Variants in PMCH observed in about 807,000 individuals in gnomAD.
PMCH encodes the protein pro-MCH.
Under a neutral mutation model 15.9 loss-of-function variants are expected in PMCH, and 8 were observed. The observed-to-expected ratio is 0.50, with a 90% CI of 0.29 to 0.91. The LOEUF (loss-of-function observed/expected upper bound fraction) is 0.91, where lower values mean the gene tolerates loss of function less well. Among genes scored for constraint, PMCH ranks in the 40% least tolerant of loss-of-function variants. The probability of loss-of-function intolerance (pLI) is 0.07; values close to 1 mark genes in which losing one functional copy is unlikely to be tolerated. For missense variants in PMCH, 169 were observed against 185.7 expected, an observed-to-expected ratio of 0.91 and a Z score of 0.52; for synonymous variants, 73 against 63.8, an observed-to-expected ratio of 1.14 and a Z score of -0.69.
Position 102,196,640 on chromosome 12 carries a change from G to T in PMCH, c.*12C>A. On this transcript the variant is annotated 3_prime_UTR_variant, in exon 3 of 3. Transcript: ENST00000329406. ...TATTTTCTTCTGAAAAGATGATGTGGACCAACAGGTATCAGACTTGCCAAC... is the reference window on the plus strand; with the variant it reads ...TATTTTCTTCTGAAAAGATGATGTGTACCAACAGGTATCAGACTTGCCAAC... 6.3e-7 allele frequency: 1 copy of T among 1,596,342 alleles called. No individual in the cohort carries two copies. The highest frequency in any genetic ancestry group is 8.6e-7 in the Non-Finnish European group (1 of 1,164,264).
At position 102,197,184 on chromosome 12, in the gene PMCH, G is replaced by A. The variant is rs1565912382; in HGVS notation, c.250-13C>T. On this transcript the variant is annotated splice_polypyrimidine_tract_variant and intron_variant, in intron 1 of 2. Transcript: ENST00000329406. ...TGGAGCCTGTGTTCTGTAAAGAGAA[G>A]GTTGATTTGGTTTTTAGCTATCGTA... is the stretch of plus-strand genomic sequence containing the variant. 1.9e-6 allele frequency: 3 copies of A among 1,598,762 alleles called. No homozygotes were observed. The African/African-American group carries it at 4.0e-5, about 21-fold the overall frequency.
At chr12:102,197,305 G>T in intron 1 of PMCH, 134 bp from the exon 2 acceptor site, 1 of 864,438 alleles carries the variant, frequency 1.2e-6, no homozygotes, top group Non-Finnish European at 1.7e-6. Context: ...TACCTTAGAT[G>T]CAAATTTATA....
rs1488437486 is a variant in PMCH at position 102,197,142 on chromosome 12, A to G, written c.279T>C (p.Asn93=). 1 of 1,612,024 alleles carries G rather than the reference A, an allele frequency of 6.2e-7. No homozygotes were observed. Among genetic ancestry groups the G allele is most frequent in the Admixed American group, 1.7e-5 (1 of 59,884 alleles). ...TAGCCAGATTCAGTGGCAGACCATGATTTAAGAAATTATGTTTGGAGCCTG... is the reference window on the plus strand; with the variant it reads ...TAGCCAGATTCAGTGGCAGACCATGGTTTAAGAAATTATGTTTGGAGCCTG... ...KNTGSKHNFL[N]HGLPLNLAIK... Residue 93 remains asparagine (N), a synonymous_variant, in exon 2 of 3, where the codon AAT becomes AAC. Coordinates refer to ENST00000329406, the MANE Select transcript of PMCH (RefSeq NM_002674.4).
chr12:102,196,946 G>T, intron 2 of PMCH, 27 bp downstream of exon 2: 1 of 1,554,514 alleles, frequency 6.4e-7, no homozygotes, highest in Non-Finnish European at 8.9e-7. Flanking sequence ...TAGGATGTAA[G>T]AATTGAATTT....
intron 1 of PMCH, 132 bp downstream of exon 1, chr12:102,197,390 G>T: frequency 1.1e-6 from 1 of 881,650 alleles, no homozygotes. Flanking sequence ...AATATCGTCA[G>T]TCGTCCTAAT....
At position 102,197,702 on chromosome 12, in the gene PMCH, T is replaced by A; in HGVS notation, c.69A>T (p.Leu23Phe). ...LTFSLFSQGI[L>F]LSASKSIRNL... ...TTCTTATGGACTTGGATGCTGAAAG[T>A]AAAATACCTTGAGAAAACAAAGAAA... Residue 23 changes from leucine to phenylalanine, a missense_variant, in exon 1 of 3, where the codon TTA (leucine) becomes TTT (phenylalanine). Coordinates refer to ENST00000329406, the MANE Select transcript of PMCH (RefSeq NM_002674.4). 3 of 1,607,422 alleles carry A rather than the reference T, an allele frequency of 1.9e-6. 1 individual carries two copies. The Admixed American group carries it at 5.0e-5, about 27-fold the overall frequency.
rs1385951133 is a variant in PMCH at position 102,197,111 on chromosome 12, G to A, written c.310C>T (p.Pro104Ser). The A allele has an allele frequency of 2.5e-6, 4 of 1,612,206 alleles. No individual in the cohort carries two copies. The highest frequency in any genetic ancestry group is 2.5e-6 in the Non-Finnish European group (3 of 1,178,666). The change falls in exon 2 of 3, where the codon CCT (proline) becomes TCT (serine). Residue 104 changes from proline (P) to serine (S), a missense_variant. By Grantham distance (74) the Pro-to-Ser change is moderately conservative (BLOSUM62 -1). Transcript: ENST00000329406. The stretch of plus-strand genomic sequence containing the variant: ...ACAGATCCTTTTAGTGCAAGATAAG[G>A]TTTTATAGCCAGATTCAGTGGCAGA... ...HGLPLNLAIK[P>S]YLALKGSVAF...
Position 102,196,610 on chromosome 12 carries a change from G to T in PMCH, c.*42C>A. On this transcript the variant is annotated 3_prime_UTR_variant, in exon 3 of 3. Coordinates refer to ENST00000329406, the MANE Select transcript of PMCH (RefSeq NM_002674.4). Reference sequence around the variant, plus strand: ...CTTCTCCTCCCATTGGCAATTAAATGCTTTTATTTTCTTCTGAAAAGATGA... The same window carrying T: ...CTTCTCCTCCCATTGGCAATTAAATTCTTTTATTTTCTTCTGAAAAGATGA... 6.9e-7 allele frequency: 1 copy of T among 1,452,764 alleles called. No homozygotes were observed. The highest frequency in any genetic ancestry group is 9.7e-7 in the Non-Finnish European group (1 of 1,033,970). 90.0% of individuals were successfully genotyped at this position (1,452,764 alleles called of 1,614,324 possible).
Position 102,196,810 on chromosome 12 carries a change from T to C in PMCH, c.449-109A>G, listed in dbSNP as rs187611964. The C allele has an allele frequency of 1.2e-5, 13 of 1,068,698 alleles. No homozygotes were observed. The East Asian group carries it at 3.2e-4, about 26-fold the overall frequency. 66.2% of individuals were successfully genotyped at this position (1,068,698 alleles called of 1,614,324 possible). A position where few individuals can be genotyped will look rare whatever the true frequency, so the allele number is the denominator to read the frequency against. On this transcript the variant is annotated intron_variant, in intron 2 of 2. Transcript: ENST00000329406. ...ATAACTAATTCTGAGTAAACCAAAA[T>C]GATAATAATTAATTGTTGCTATTTA...
Position 102,197,566 on chromosome 12 carries a change from CATTTTTA to C in PMCH, c.198_204del (p.Tyr66Ter). ...TCTTCGTTCATGAAACTGCTCTCATCATTTTTATATTGTTCCAGGGAAGGAGCAATAA... is the reference window on the plus strand; with the variant it reads ...TCTTCGTTCATGAAACTGCTCTCATCTATTGTTCCAGGGAAGGAGCAATAA... On this transcript the variant is annotated frameshift_variant, in exon 1 of 3. Transcript: ENST00000329406. LOFTEE classifies it high-confidence loss of function. The C allele has an allele frequency of 6.2e-7, 1 of 1,611,196 alleles. No individual in the cohort carries two copies. Among genetic ancestry groups the C allele is most frequent in the Non-Finnish European group, 8.5e-7 (1 of 1,178,188 alleles).
intron 1 of PMCH, 171 bp from the exon 2 acceptor site, chr12:102,197,342 G>T: frequency 1.2e-6 from 1 of 800,556 alleles, no homozygotes. Context: ...CAGATAAGAG[G>T]TGTTTGCTGG....
Position 102,197,671 on chromosome 12 carries a change from C to G in PMCH, c.100G>C (p.Asp34His), listed in dbSNP as rs551474878. The change falls in exon 1 of 3, where the codon GAT (aspartate) becomes CAT (histidine). Residue 34 changes from aspartate (D) to histidine (H), a missense_variant. Asp to His is a moderately conservative substitution (Grantham distance 81, BLOSUM62 -1). Transcript: ENST00000329406. The part of the protein sequence containing the change: ...LSASKSIRNL[D>H]DDMVFNTFRL... ...AATGTATTAAATACCATGTCATCAT[C>G]TAAATTTCTTATGGACTTGGATGCT... is the stretch of plus-strand genomic sequence containing the variant. The G allele has an allele frequency of 1.3e-5, 21 of 1,611,710 alleles. No homozygotes were observed. Among genetic ancestry groups the G allele is most frequent in the Non-Finnish European group, 1.8e-5 (21 of 1,178,558 alleles).
chr12:102,197,058 C>T lies in PMCH; in HGVS notation c.363G>A (p.Gln121=). The change falls in exon 2 of 3, where the codon CAG becomes CAA. Residue 121 remains glutamine, a synonymous_variant. Transcript: ENST00000329406. The part of the protein sequence containing the change: ...SVAFPAENGV[Q]NTESTQEKRE... Reference sequence around the variant, plus strand: ...TCTTTTCTTGTGTTGATTCAGTATTCTGAACTCCATTCTCAGCTGGGAAAG... The same window carrying T: ...TCTTTTCTTGTGTTGATTCAGTATTTTGAACTCCATTCTCAGCTGGGAAAG... 1 of 1,612,134 alleles carries T rather than the reference C, an allele frequency of 6.2e-7. No homozygotes were observed. The highest frequency in any genetic ancestry group is 1.7e-4 in the Middle Eastern group (1 of 6,050).
rs1223710069 is a variant in PMCH at position 102,197,122 on chromosome 12, A to T, written c.299T>A (p.Leu100Gln). Residue 100 changes from leucine to glutamine, a missense_variant, in exon 2 of 3, where the codon CTG becomes CAG. Physicochemically the swap from Leu to Gln is moderately radical, Grantham distance 113. Coordinates refer to ENST00000329406, the MANE Select transcript of PMCH (RefSeq NM_002674.4). ...NFLNHGLPLN[L>Q]AIKPYLALKG... ...TAGTGCAAGATAAGGTTTTATAGCC[A>T]GATTCAGTGGCAGACCATGATTTAA... 1.4e-5 allele frequency: 23 copies of T among 1,612,256 alleles called. No individual in the cohort carries two copies. Among genetic ancestry groups the T allele is most frequent in the Non-Finnish European group, 2.0e-5 (23 of 1,178,746 alleles).
chr12:102,197,790 TAC>T lies in PMCH; in HGVS notation c.-22_-21del. 6.5e-7 allele frequency: 1 copy of T among 1,536,934 alleles called. No homozygotes were observed. Among genetic ancestry groups the T allele is most frequent in the South Asian group, 1.3e-5 (1 of 79,580 alleles). On this transcript the variant is annotated 5_prime_UTR_variant, in exon 1 of 3. Coordinates refer to ENST00000329406, the MANE Select transcript of PMCH (RefSeq NM_002674.4). ...TGCCATTCTTAGTTTGATGTTTGCA[TAC>T]AGTCAAACAAGAAAGAAAATGAAAA...
Position 102,197,566 on chromosome 12 carries a change from C to G in PMCH, c.205G>C (p.Asp69His), listed in dbSNP as rs778140401. The change falls in exon 1 of 3, where the codon GAT (aspartate) becomes CAT (histidine). Residue 69 changes from aspartate (D) to histidine (H), a missense_variant. By Grantham distance (81) the Asp-to-His change is moderately conservative (BLOSUM62 -1). Coordinates refer to ENST00000329406, the MANE Select transcript of PMCH (RefSeq NM_002674.4). Reference sequence around the variant, plus strand: ...TCTTCGTTCATGAAACTGCTCTCATCATTTTTATATTGTTCCAGGGAAGGA... The same window carrying G: ...TCTTCGTTCATGAAACTGCTCTCATGATTTTTATATTGTTCCAGGGAAGGA... The part of the protein sequence containing the change: ...IAPSLEQYKN[D>H]ESSFMNEEEN... 23 of 1,611,078 alleles carry G rather than the reference C, an allele frequency of 1.4e-5. No homozygotes were observed. In the East Asian group the frequency reaches 4.9e-4, roughly 34 times the overall value.
chr12:102,197,353 GATGGAAGAACT>G, intron 1 of PMCH, 158 bp downstream of exon 1: 1 of 802,332 alleles, frequency 1.2e-6, no homozygotes, highest in Non-Finnish European at 1.9e-6. Flanking sequence ...TGTTTGCTGG[GATGGAAGAACT>G]ACCTGGCATG....
At chr12:102,197,276 G>T in intron 1 of PMCH, 105 bp from the exon 2 acceptor site, 1 of 1,009,476 alleles carries the variant, frequency 9.9e-7, no homozygotes, top group African/African-American at 1.6e-5. Context: ...ACTCTGCACT[G>T]TTTTTGACTT....
intron 1 of PMCH, 109 bp downstream of exon 1, chr12:102,197,413 T>C: frequency 2.9e-6 from 3 of 1,036,134 alleles, no homozygotes; most frequent in Non-Finnish European, 4.2e-6. Flanking sequence ...ATATTGTGAC[T>C]GTTTGCATAT....
Sources: gnomAD v4.1 joint callset for allele counts on GRCh38, gnomAD v4.1.1 for gene constraint, MANE v1.5 for transcripts, NCBI Gene and HGNC (gene_info 2026-07-23, HGNC 2026-07-21) for gene names.